Variants in STK39 observed in about 807,000 individuals in gnomAD.
STK39 encodes the protein STE20/SPS1-related proline-alanine-rich protein kinase.
Under a neutral mutation model 77.8 loss-of-function variants are expected in STK39, and 20 were observed. The observed-to-expected ratio is 0.26, with a 90% CI of 0.18 to 0.37. The LOEUF is 0.37. STK39 is among the 10% of genes least tolerant of loss of function. STK39 has a pLI of 1.00. For missense variants in STK39, 479 were observed against 656.5 expected (o/e 0.73, Z 2.95); for synonymous variants, 246 against 234.1 (o/e 1.05, Z -0.47).
intron 15 of STK39, among the ~76,000 whole-genome samples, chr2:168,016,364 T>C (rs979093969): frequency 3.4e-5 from 5 of 148,292 alleles, no homozygotes; most frequent in African/African-American, 1.0e-4. Flanking sequence ...CAGGAATATT[T>C]TGTTTGGCTG....
At chr2:168,029,431 A>G (rs1258013393) in intron 14 of STK39, among the ~76,000 whole-genome samples, 1 of 152,256 alleles carries the variant, frequency 6.6e-6, no homozygotes, top group Non-Finnish European at 1.5e-5. Context: ...AAAAGACAGA[A>G]GCCTTTTTCA....
chr2:168,240,222 G>C (rs575781716), intron 1 of STK39, among the ~76,000 whole-genome samples: 2 of 152,276 alleles, frequency 1.3e-5, no homozygotes, highest in Non-Finnish European at 2.9e-5. Context: ...AGATGTGGCT[G>C]AAAAGGGAGG....
At chr2:168,149,981 G>T (rs943125968) in intron 5 of STK39, among the ~76,000 whole-genome samples, 30 of 152,180 alleles carry the variant, frequency 2.0e-4, no homozygotes, top group Non-Finnish European at 4.3e-4. Flanking sequence ...AATTCAAAGT[G>T]GGGTCCATAA....
intron 14 of STK39, among the ~76,000 whole-genome samples, chr2:168,034,294 C>T (rs1684898202): frequency 6.6e-6 from 1 of 152,172 alleles, no homozygotes; most frequent in Admixed American, 6.5e-5. Context: ...GGGAGTGAAA[C>T]AAGCCCATGA....
At position 168,121,210 on chromosome 2, in the gene STK39, C is replaced by T. The variant is rs76517008; in HGVS notation, c.1089+8331G>A. On this transcript the variant is annotated intron_variant, in intron 10 of 17. Transcript: ENST00000355999. ...GAATAAGAACTGGAGTTCACTCCTG[C>T]TTATTTGGCCATGTGACTTTGGGCA... Among the ~76,000 whole-genome samples the T allele has an allele frequency of 6.5e-3, 987 of 152,320 alleles. 15 individuals carry two copies. Among genetic ancestry groups the T allele is most frequent in the African/African-American group, 0.022 (926 of 41,576 alleles).
intron 1 of STK39, among the ~76,000 whole-genome samples, chr2:168,245,499 A>G (rs1690874897): frequency 6.6e-6 from 1 of 152,208 alleles, no homozygotes; most frequent in African/African-American, 2.4e-5. Flanking sequence ...AGAAGAAACC[A>G]CGGCATTTTG....
In STK39 at chr2:168,213,642, C is replaced by T. The variant is rs113949464; in HGVS notation, c.209-31552G>A. The stretch of plus-strand genomic sequence containing the variant: ...TGGAGGTTGCAGTGAGCCAAGATCA[C>T]ACCACTGCACTCCAGCTTAGCCTGG... On this transcript the variant is annotated intron_variant, in intron 1 of 17. Transcript: ENST00000355999. Among the ~76,000 whole-genome samples the T allele has an allele frequency of 1.7e-3, 256 of 146,398 alleles. 1 individual carries two copies. The highest frequency in any genetic ancestry group is 5.9e-3 in the African/African-American group (232 of 39,314).
chr2:167,968,057 T>C (rs1416157871), intron 16 of STK39, among the ~76,000 whole-genome samples: 2 of 152,156 alleles, frequency 1.3e-5, no homozygotes, highest in Non-Finnish European at 2.9e-5. Flanking sequence ...TTTCTGTCCC[T>C]GTGTTAATTC....
chr2:168,013,771 G>A (rs1684330927), intron 15 of STK39, among the ~76,000 whole-genome samples: 1 of 151,212 alleles, frequency 6.6e-6, no homozygotes, highest in South Asian at 2.1e-4. Context: ...TGCTTCAGAT[G>A]TGGTGACTAT....
At chr2:167,971,177 T>G (rs939951358) in intron 16 of STK39, among the ~76,000 whole-genome samples, 90 of 151,812 alleles carry the variant, frequency 5.9e-4, no homozygotes, top group African/African-American at 2.1e-3. Flanking sequence ...CTCTCAGATT[T>G]TGGAGGTCCA....
chr2:168,066,853 A>G (rs978489516), intron 12 of STK39, among the ~76,000 whole-genome samples: 3 of 152,258 alleles, frequency 2.0e-5, no homozygotes, highest in Non-Finnish European at 4.4e-5. Flanking sequence ...GAAAATGTGC[A>G]GAGATGCACA....
intron 10 of STK39, among the ~76,000 whole-genome samples, chr2:168,124,095 C>A (rs1471630819): frequency 1.3e-5 from 2 of 152,094 alleles, no homozygotes; most frequent in African/African-American, 2.4e-5. Context: ...CACTTCACAG[C>A]GGTTCCATCC....
intron 4 of STK39, among the ~76,000 whole-genome samples, chr2:168,162,847 G>A (rs1188102563): frequency 2.0e-5 from 3 of 151,830 alleles, no homozygotes; most frequent in Admixed American, 6.6e-5. Context: ...GGCCAACATG[G>A]TGAACCCCAT....
At chr2:168,187,082 G>C (rs1689228179) in intron 1 of STK39, among the ~76,000 whole-genome samples, 2 of 152,204 alleles carry the variant, frequency 1.3e-5, no homozygotes, top group African/African-American at 2.4e-5. Flanking sequence ...GCCGGGCATG[G>C]TGGCTCACGC....
intron 2 of STK39, among the ~76,000 whole-genome samples, chr2:168,171,619 A>G (rs1467794687): frequency 6.6e-6 from 1 of 151,758 alleles, no homozygotes; most frequent in Admixed American, 6.6e-5. Context: ...CCTGAGTAGC[A>G]GGGGGGATGA....
intron 16 of STK39, among the ~76,000 whole-genome samples, chr2:167,991,001 C>A (rs145659048): frequency 1.3e-5 from 2 of 152,248 alleles, no homozygotes; most frequent in South Asian, 2.1e-4. Flanking sequence ...TGGGATGTCA[C>A]GGTAAAATGG....
intron 1 of STK39, 81 bp downstream of exon 1, chr2:168,247,147 G>A: frequency 2.9e-6 from 3 of 1,022,564 alleles, no homozygotes; most frequent in Non-Finnish European, 3.5e-6. Context: ...GTGCATGCAG[G>A]CTAGCCCAGC....
At chr2:168,105,870 C>T (rs1444988365) in intron 10 of STK39, among the ~76,000 whole-genome samples, 1 of 152,232 alleles carries the variant, frequency 6.6e-6, no homozygotes, top group Non-Finnish European at 1.5e-5. Flanking sequence ...GATAAGAACT[C>T]TTGTGTTCCT....
At chr2:168,037,481 C>A (rs1448060722) in intron 14 of STK39, among the ~76,000 whole-genome samples, 1 of 152,116 alleles carries the variant, frequency 6.6e-6, no homozygotes, top group African/African-American at 2.4e-5. Context: ...AGAAATCTGA[C>A]AGTTATCTGT....
Sources: gnomAD v4.1 joint callset for allele counts (sites outside exome capture counted in the v4.1 genomes callset) on GRCh38, gnomAD v4.1.1 for gene constraint, MANE v1.5 for transcripts, NCBI Gene and HGNC (gene_info 2026-07-23, HGNC 2026-07-21) for gene names.